Variants in FOXN2 observed in about 807,000 individuals in gnomAD.
FOXN2 encodes forkhead box protein N2.
In FOXN2, 19 loss-of-function variants were observed where a neutral mutation model predicts 41.2. That is an observed-to-expected ratio of 0.46 (90% CI 0.32 to 0.68). The LOEUF (loss-of-function observed/expected upper bound fraction) is 0.68, where lower values mean the gene tolerates loss of function less well. Ranked by LOEUF, FOXN2 falls within the 30% of genes least tolerant of loss-of-function variation. FOXN2 has a pLI of 0.03. For synonymous variants in FOXN2, 195 were observed against 176.8 expected, an observed-to-expected ratio of 1.10 and a Z score of -0.82; for missense variants, 587 against 509.4, an observed-to-expected ratio of 1.15 and a Z score of -1.47.
Position 48,375,084 on chromosome 2 carries a change from C to T in FOXN2, c.937C>T (p.Arg313Cys), listed in dbSNP as rs1441454038. 1.9e-6 allele frequency: 3 copies of T among 1,614,036 alleles called. No homozygotes were observed. The highest frequency in any genetic ancestry group is 2.2e-5 in the East Asian group (1 of 44,862). Reference protein sequence around the residue: ...NYSASSMAAQRCASRSSVSSL... With the variant: ...NYSASSMAAQCCASRSSVSSL... Reference sequence around the variant, plus strand: ...CAGTGCAAGTAGCATGGCAGCACAGCGTTGTGCATCCAGGTCTAGCGTGTC... The same window carrying T: ...CAGTGCAAGTAGCATGGCAGCACAGTGTTGTGCATCCAGGTCTAGCGTGTC... The change falls in exon 7 of 7, where the codon CGT becomes TGT. Residue 313 changes from arginine (R) to cysteine (C), a missense_variant. By Grantham distance (180) the Arg-to-Cys change is radical. Transcript: ENST00000340553.
At chr2:48,368,842 G>A (rs1263702656) in intron 5 of FOXN2, among the ~76,000 whole-genome samples, 1 of 152,130 alleles carries the variant, frequency 6.6e-6, no homozygotes, top group African/African-American at 2.4e-5. Flanking sequence ...TATTATGATG[G>A]TGATTTGGAT....
intron 3 of FOXN2, among the ~76,000 whole-genome samples, chr2:48,354,504 G>A (rs974060101): frequency 6.6e-6 from 1 of 152,212 alleles, no homozygotes; most frequent in Non-Finnish European, 1.5e-5. Context: ...GGAGGCTGAG[G>A]CAGGAGAATC....
intron 5 of FOXN2, among the ~76,000 whole-genome samples, chr2:48,368,831 C>A (rs376868023): frequency 2.6e-5 from 4 of 152,292 alleles, no homozygotes; most frequent in Middle Eastern, 3.4e-3. Flanking sequence ...CAGGTGTTCT[C>A]TATTATGATG....
At chr2:48,314,985 G>C (rs976089069) in intron 1 of FOXN2, among the ~76,000 whole-genome samples, 171 bp downstream of exon 1, 51 of 152,228 alleles carry the variant, frequency 3.4e-4, no homozygotes, top group Middle Eastern at 3.4e-3. Flanking sequence ...ATTTGCGCCG[G>C]CGCGGGGGTG....
chr2:48,372,120 A>C (rs537170972), intron 5 of FOXN2, among the ~76,000 whole-genome samples: 1 of 152,312 alleles, frequency 6.6e-6, no homozygotes, highest in East Asian at 1.9e-4. Context: ...TTCTTAGGGG[A>C]AACGCTTTCA....
At chr2:48,339,137 A>C (rs1670568326) in intron 2 of FOXN2, among the ~76,000 whole-genome samples, 1 of 152,182 alleles carries the variant, frequency 6.6e-6, no homozygotes, top group Non-Finnish European at 1.5e-5. Context: ...CCATATACAG[A>C]TATATATGAA....
intron 1 of FOXN2, among the ~76,000 whole-genome samples, chr2:48,319,811 T>G (rs1381294337): frequency 1.5e-5 from 2 of 132,346 alleles, no homozygotes; most frequent in Non-Finnish European, 3.3e-5. Context: ...TTTTTTTTTT[T>G]GGTAGAGGGG....
At chr2:48,353,192 C>G (rs1255963633) in intron 3 of FOXN2, among the ~76,000 whole-genome samples, 1 of 152,084 alleles carries the variant, frequency 6.6e-6, no homozygotes, top group Admixed American at 6.6e-5. Flanking sequence ...TTTCAAGACC[C>G]TCCCCAGTTT....
intron 2 of FOXN2, among the ~76,000 whole-genome samples, chr2:48,333,970 A>G (rs1471173256): frequency 6.6e-6 from 1 of 152,128 alleles, no homozygotes; most frequent in Non-Finnish European, 1.5e-5. Context: ...TAAGGTTTTT[A>G]GATAAGGGAT....
intron 1 of FOXN2, among the ~76,000 whole-genome samples, chr2:48,322,186 G>C (rs1669373439): frequency 6.6e-6 from 1 of 152,200 alleles, no homozygotes; most frequent in Non-Finnish European, 1.5e-5. Flanking sequence ...GACCTCAGGT[G>C]ATCTGCCTGC....
intron 3 of FOXN2, among the ~76,000 whole-genome samples, chr2:48,349,568 G>T (rs1306484422): frequency 6.6e-6 from 1 of 152,162 alleles, no homozygotes. Flanking sequence ...GAGGTTGGGA[G>T]TTCAAGACCA....
rs201796051 is a variant in FOXN2 at position 48,327,815 on chromosome 2, C to T, written c.-156-746C>T. Among the ~76,000 whole-genome samples the T allele has an allele frequency of 1.2e-4, 19 of 152,242 alleles. No homozygotes were observed. The East Asian group carries it at 1.7e-3, about 14-fold the overall frequency. ...ATAAATATATTTTTAAGTCAGAGTA[C>T]GTATGAGGTTAATGTAGCCCTATTT... On this transcript the variant is annotated intron_variant, in intron 1 of 6. Coordinates refer to ENST00000340553, the MANE Select transcript of FOXN2 (RefSeq NM_002158.4).
intron 1 of FOXN2, among the ~76,000 whole-genome samples, chr2:48,324,149 G>A (rs1669513026): frequency 6.6e-6 from 1 of 151,388 alleles, no homozygotes; most frequent in South Asian, 2.1e-4. Context: ...GGAAAACATA[G>A]TATAACGCAT....
In FOXN2 at chr2:48,376,557, C is replaced by G. The variant is rs1277725265; in HGVS notation, c.*1114C>G. 6.6e-6 allele frequency: 1 copy of G among 152,428 alleles called. No individual in the cohort carries two copies. Among genetic ancestry groups the G allele is most frequent in the African/African-American group, 2.4e-5 (1 of 41,432 alleles). 9.4% of individuals were successfully genotyped at this position (152,428 alleles called of 1,614,324 possible). On this transcript the variant is annotated 3_prime_UTR_variant, in exon 7 of 7. Transcript: ENST00000340553. ...TTTCAAAATTCATATAAAATTTGAT[C>G]TTATGCAATACACCTTTTTGAGGAG...
At chr2:48,347,892 C>T (rs564937470) in intron 3 of FOXN2, among the ~76,000 whole-genome samples, 2 of 152,248 alleles carry the variant, frequency 1.3e-5, no homozygotes, top group South Asian at 4.1e-4. Context: ...TTATTGTCTT[C>T]TGGCTCCCAT....
intron 1 of FOXN2, among the ~76,000 whole-genome samples, chr2:48,316,403 C>G (rs1229334661): frequency 1.3e-5 from 2 of 152,086 alleles, no homozygotes; most frequent in Non-Finnish European, 1.5e-5. Context: ...CTAATGCAAT[C>G]AGAAGTAATT....
At chr2:48,355,095 A>T (rs1446858798) in intron 3 of FOXN2, among the ~76,000 whole-genome samples, 3 of 152,206 alleles carry the variant, frequency 2.0e-5, no homozygotes, top group Admixed American at 2.0e-4. Context: ...GCATACAAGA[A>T]GATGTATGTG....
chr2:48,336,005 G>A (rs1018884947), intron 2 of FOXN2, among the ~76,000 whole-genome samples: 1 of 150,800 alleles, frequency 6.6e-6, no homozygotes, highest in Admixed American at 6.6e-5. Flanking sequence ...TCCAGCCTGG[G>A]CGACAGAGCA....
intron 2 of FOXN2, among the ~76,000 whole-genome samples, chr2:48,334,047 A>G (rs1670185033): frequency 6.6e-6 from 1 of 152,078 alleles, no homozygotes; most frequent in Admixed American, 6.5e-5. Context: ...TATGGAAGTA[A>G]GGTTTTTTTG....
Sources: gnomAD v4.1 joint callset for allele counts (sites outside exome capture counted in the v4.1 genomes callset) on GRCh38, gnomAD v4.1.1 for gene constraint, MANE v1.5 for transcripts, NCBI Gene and HGNC (gene_info 2026-07-23, HGNC 2026-07-21) for gene names.